Variants in ACYP2 observed in about 807,000 individuals in gnomAD.
ACYP2 encodes the protein acylphosphatase 2.
ACYP2 carries 12 observed loss-of-function variants against 11.2 expected under a neutral mutation model. The observed-to-expected ratio is 1.08, with a 90% CI of 0.69 to 1.74. The LOEUF is 1.74. ACYP2 is among the 40% of genes most tolerant of loss of function. ACYP2 has a pLI of 0.00. For missense variants in ACYP2, 134 were observed against 101.9 expected (o/e 1.31, Z -1.35); for synonymous variants, 43 against 32.2 (o/e 1.33, Z -1.13).
intron 6 of ACYP2, among the ~76,000 whole-genome samples, chr2:54,266,009 A>C (rs1237904502): frequency 6.6e-6 from 1 of 152,228 alleles, no homozygotes; most frequent in Admixed American, 6.5e-5. Flanking sequence ...CCATAAAAAA[A>C]CCTCAATATA....
At chr2:54,184,558 A>G (rs561540707) in intron 6 of ACYP2, among the ~76,000 whole-genome samples, 37 of 152,360 alleles carry the variant, frequency 2.4e-4, no homozygotes, top group African/African-American at 8.2e-4. Flanking sequence ...GGTAGAAAAT[A>G]TAACAGAAAA....
chr2:54,085,972 T>A (rs1380419530), intron 4 of ACYP2, among the ~76,000 whole-genome samples: 1 of 152,032 alleles, frequency 6.6e-6, no homozygotes, highest in Non-Finnish European at 1.5e-5. Context: ...TGAGACAGAG[T>A]CTCACTCTGT....
At chr2:54,290,422 A>G (rs1689254541) in intron 6 of ACYP2, among the ~76,000 whole-genome samples, 1 of 152,062 alleles carries the variant, frequency 6.6e-6, no homozygotes, top group Non-Finnish European at 1.5e-5. Context: ...AACAAACAGT[A>G]TCAGCAAGCC....
intron 6 of ACYP2, among the ~76,000 whole-genome samples, chr2:54,259,408 C>G (rs1290094906): frequency 1.3e-5 from 2 of 152,124 alleles, no homozygotes; most frequent in Non-Finnish European, 2.9e-5. Flanking sequence ...AAGCTGGGCC[C>G]TGAAGACTCC....
At chr2:54,244,989 C>T (rs1686887149) in intron 6 of ACYP2, among the ~76,000 whole-genome samples, 1 of 152,116 alleles carries the variant, frequency 6.6e-6, no homozygotes, top group African/African-American at 2.4e-5. Flanking sequence ...TCTTCCTGTA[C>T]AGCTGTAATT....
Position 54,218,506 on chromosome 2 carries a change from G to C in ACYP2, c.404+79758G>C, listed in dbSNP as rs182953057. On this transcript the variant is annotated intron_variant, in intron 6 of 6. Transcript: ENST00000607452. ...TTACAGCATGATACTAAACATTGAA[G>C]AGTTGTTTGGTAATTATTTTAAAAT... Among the ~76,000 whole-genome samples the C allele has an allele frequency of 3.1e-3, 466 of 152,274 alleles. 8 individuals carry two copies. The highest frequency in any genetic ancestry group is 7.9e-4 in the Non-Finnish European group (54 of 68,016).
At chr2:54,226,138 C>T (rs142525675) in intron 6 of ACYP2, among the ~76,000 whole-genome samples, 63 of 152,306 alleles carry the variant, frequency 4.1e-4, no homozygotes, top group African/African-American at 1.4e-3. Context: ...CCCAGACTGG[C>T]ACCAGTGTGG....
chr2:54,189,353 C>A (rs1684140419), intron 6 of ACYP2, among the ~76,000 whole-genome samples: 1 of 152,142 alleles, frequency 6.6e-6, no homozygotes, highest in African/African-American at 2.4e-5. Context: ...CTAACCACTG[C>A]CTTATTCTCT....
rs371643566 is a variant in ACYP2 at position 54,246,209 on chromosome 2, G to C, written c.405-58479G>C. On this transcript the variant is annotated intron_variant, in intron 6 of 6. Transcript: ENST00000607452. The stretch of plus-strand genomic sequence containing the variant: ...TCTGGGTTCTCTATTCTGTTCTACT[G>C]ATCTGTGTGTTATTTTTTAATGTAT... Among the ~76,000 whole-genome samples the C allele has an allele frequency of 9.2e-5, 14 of 152,242 alleles. No homozygotes were observed. The East Asian group carries it at 2.5e-3, about 27-fold the overall frequency.
At chr2:54,004,765 A>G (rs530776884) in intron 2 of ACYP2, among the ~76,000 whole-genome samples, 4 of 151,522 alleles carry the variant, frequency 2.6e-5, no homozygotes, top group Admixed American at 1.3e-4. Flanking sequence ...GAGCTTTAAG[A>G]GTTCTTTGTC....
chr2:54,297,665 G>A (rs1357887593), intron 6 of ACYP2, among the ~76,000 whole-genome samples: 2 of 152,094 alleles, frequency 1.3e-5, no homozygotes, highest in African/African-American at 2.4e-5. Flanking sequence ...AGTTCAGTAA[G>A]GCATCTGATT....
At position 54,259,599 on chromosome 2, in the gene ACYP2, G is replaced by A. The variant is rs1296794780; in HGVS notation, c.405-45089G>A. Among the ~76,000 whole-genome samples the A allele has an allele frequency of 5.3e-5, 8 of 151,158 alleles. No individual in the cohort carries two copies. The East Asian group carries it at 1.2e-3, about 22-fold the overall frequency. ...GTATGAGGTCTGAGAATTGACCGTC[G>A]GATTTTACAACAAAGAGTCACTGGT... On this transcript the variant is annotated intron_variant, in intron 6 of 6. Transcript: ENST00000607452.
intron 6 of ACYP2, among the ~76,000 whole-genome samples, chr2:54,228,863 A>G (rs890037359): frequency 2.6e-5 from 4 of 152,168 alleles, no homozygotes; most frequent in African/African-American, 9.7e-5. Flanking sequence ...GCCAGTAGAA[A>G]CTGGGATACA....
intron 4 of ACYP2, among the ~76,000 whole-genome samples, chr2:54,068,343 A>C (rs1446277080): frequency 1.3e-5 from 2 of 152,218 alleles, no homozygotes; most frequent in East Asian, 3.8e-4. Context: ...GCTGGATTGC[A>C]GGTAGCAGGA....
At chr2:54,266,587 T>A (rs1286080265) in intron 6 of ACYP2, among the ~76,000 whole-genome samples, 1 of 130,770 alleles carries the variant, frequency 7.6e-6, no homozygotes, top group Non-Finnish European at 1.6e-5. Flanking sequence ...GATATCTATC[T>A]ATCTTTTTTT....
At chr2:54,064,066 C>G (rs1248392819) in intron 4 of ACYP2, among the ~76,000 whole-genome samples, 2 of 152,070 alleles carry the variant, frequency 1.3e-5, no homozygotes, top group Non-Finnish European at 1.5e-5. Context: ...CCTTGTTAGT[C>G]TTGAACTTGG....
At chr2:54,119,383 C>A (rs1051203285) in intron 4 of ACYP2, among the ~76,000 whole-genome samples, 1 of 151,712 alleles carries the variant, frequency 6.6e-6, no homozygotes, top group Non-Finnish European at 1.5e-5. Context: ...TCTAAAGAAA[C>A]AATAAAATAA....
At chr2:54,294,404 G>A (rs1385866478) in intron 6 of ACYP2, among the ~76,000 whole-genome samples, 1 of 151,914 alleles carries the variant, frequency 6.6e-6, no homozygotes, top group East Asian at 1.9e-4. Context: ...TTTTCAAATG[G>A]AGTCCCTCAG....
intron 2 of ACYP2, among the ~76,000 whole-genome samples, chr2:54,028,637 C>G (rs1674421852): frequency 6.6e-6 from 1 of 152,164 alleles, no homozygotes; most frequent in African/African-American, 2.4e-5. Flanking sequence ...TGTCACAAAC[C>G]ATTGTTTTCT....
Sources: gnomAD v4.1 joint callset for allele counts (sites outside exome capture counted in the v4.1 genomes callset) on GRCh38, gnomAD v4.1.1 for gene constraint, MANE v1.5 for transcripts, NCBI Gene and HGNC (gene_info 2026-07-23, HGNC 2026-07-21) for gene names.